The following FAM20A variants were observed in gnomAD, a reference collection of about 807,000 sequenced individuals.
FAM20A encodes pseudokinase FAM20A.
A neutral mutation model predicts 52.0 loss-of-function variants in FAM20A; 42 were observed. The ratio of observed to expected loss-of-function variants is 0.81; its 90% CI spans 0.63 to 1.04. The LOEUF is 1.04. FAM20A is among the 50% of genes least tolerant of loss of function. The pLI, the probability that FAM20A is intolerant of heterozygous loss-of-function variation, is 0.00. For missense variants in FAM20A, 742 were observed against 712.7 expected, an observed-to-expected ratio of 1.04 and a Z score of -0.47; for synonymous variants, 304 against 298.9, an observed-to-expected ratio of 1.02 and a Z score of -0.18.
At chr17:68,539,185 C>T in intron 10 of FAM20A, 152 bp downstream of exon 10, 1 of 720,036 alleles carries the variant, frequency 1.4e-6, no homozygotes, top group South Asian at 1.6e-5. Context: ...TCATGCAGTG[C>T]ACAAATGTGT....
chr17:68,575,789 T>TCACACACACACACAC (rs2087746114), intron 1 of FAM20A, among the ~76,000 whole-genome samples: 1 of 41,366 alleles, frequency 2.4e-5, no homozygotes, highest in African/African-American at 9.7e-5. Flanking sequence ...TATTTTATAT[T>TCACACACACACACAC]ATACACACAC....
At chr17:68,558,383 T>A (rs1338892669) in intron 1 of FAM20A, 1 of 436,838 alleles carries the variant, frequency 2.3e-6, no homozygotes, top group Admixed American at 2.4e-5. Flanking sequence ...TGAAATGTAG[T>A]CCCCAGTGTT....
At position 68,592,195 on chromosome 17, in the gene FAM20A, C is replaced by T. The variant is rs74000767; in HGVS notation, c.404+8068G>A. 5.4e-3 allele frequency among the ~76,000 whole-genome samples: 822 copies of T among 152,290 alleles called. 6 individuals carry two copies. The highest frequency in any genetic ancestry group is 0.018 in the African/African-American group (766 of 41,544). On this transcript the variant is annotated intron_variant, in intron 1 of 10. Coordinates refer to ENST00000592554, the MANE Select transcript of FAM20A (RefSeq NM_017565.4). ...GAGGTTGGTCAATCTAACTTTTCTC[C>T]TATCTGAGTGCTCAGGGCTGCATGG...
chr17:68,543,688 G>T lies in FAM20A; in HGVS notation c.753C>A (p.Phe251Leu). 1 of 1,614,180 alleles carries T rather than the reference G, an allele frequency of 6.2e-7. No individual in the cohort carries two copies. The highest frequency in any genetic ancestry group is 8.5e-7 in the Non-Finnish European group (1 of 1,180,022). The change falls in exon 5 of 11, where the codon TTC becomes TTA. Residue 251 changes from phenylalanine (F) to leucine (L), a missense_variant. Phe to Leu is a conservative substitution (Grantham distance 22, BLOSUM62 0). Coordinates refer to ENST00000592554, the MANE Select transcript of FAM20A (RefSeq NM_017565.4). ...GTCTCTGAAAGTCAATGAAGTAGAA[G>T]AAGTCCACTGGTGTCTCCTCATCTC... ...QQRDEETPVD[F>L]FYFIDFQRHN...
chr17:68,554,453 C>T (rs530520715), intron 3 of FAM20A, among the ~76,000 whole-genome samples: 3 of 152,256 alleles, frequency 2.0e-5, no homozygotes, highest in East Asian at 3.9e-4. Flanking sequence ...AATTTGAAAG[C>T]GTGCTCCAAT....
At chr17:68,590,010 C>T (rs2088260610) in intron 1 of FAM20A, 1 of 152,140 alleles carries the variant, frequency 6.6e-6, no homozygotes. Flanking sequence ...GAATACTCCT[C>T]AATTAAACAA....
intron 4 of FAM20A, chr17:68,551,148 G>T (rs1346593590): frequency 2.4e-6 from 3 of 1,232,434 alleles, no homozygotes; most frequent in Non-Finnish European, 3.0e-6. Flanking sequence ...AACTCTAGGA[G>T]ACCCTAACCT....
chr17:68,539,452 G>T, intron 9 of FAM20A, 56 bp from the exon 10 acceptor site: 1 of 1,493,258 alleles, frequency 6.7e-7, no homozygotes, highest in Non-Finnish European at 9.3e-7. Context: ...GCATTCCCCT[G>T]AGGCTTCCTC....
intron 1 of FAM20A, among the ~76,000 whole-genome samples, chr17:68,591,251 G>A (rs2088299257): frequency 6.6e-6 from 1 of 152,088 alleles, no homozygotes. Flanking sequence ...GGCGCCCGCC[G>A]CCACGCCCGG....
intron 1 of FAM20A, among the ~76,000 whole-genome samples, chr17:68,578,848 A>AG: frequency 4.9e-5 from 1 of 20,254 alleles, no homozygotes. Context: ...CAAAAAAAAA[A>AG]AAAAAAAAAA....
At chr17:68,541,426 T>C (rs1349861351) in intron 7 of FAM20A, 1 of 214,178 alleles carries the variant, frequency 4.7e-6, no homozygotes, top group Non-Finnish European at 9.6e-6. Context: ...CAGAGTCCCT[T>C]AGGATCTGTC....
intron 4 of FAM20A, among the ~76,000 whole-genome samples, chr17:68,544,349 C>T (rs2086451695): frequency 6.6e-6 from 1 of 152,128 alleles, no homozygotes; most frequent in Non-Finnish European, 1.5e-5. Context: ...CTGAAAAGCG[C>T]CAGGCTGCCT....
intron 1 of FAM20A, among the ~76,000 whole-genome samples, chr17:68,572,870 C>A (rs986407058): frequency 6.6e-6 from 1 of 152,160 alleles, no homozygotes; most frequent in Non-Finnish European, 1.5e-5. Flanking sequence ...CCATTTATCT[C>A]TGTGTCCTAG....
chr17:68,536,251 C>T lies in FAM20A; in HGVS notation c.*1226G>A, dbSNP rs1405795082. 2 of 454,098 alleles carry T rather than the reference C, an allele frequency of 4.4e-6. No homozygotes were observed. The highest frequency in any genetic ancestry group is 8.8e-6 in the Non-Finnish European group (2 of 226,800). 28.1% of individuals were successfully genotyped at this position (454,098 alleles called of 1,614,324 possible). The stretch of plus-strand genomic sequence containing the variant: ...CAGCTCCATTCTATTCTCATGCTTA[C>T]AGTATTTGAACTCTGGCCTTTACTG... On this transcript the variant is annotated 3_prime_UTR_variant, in exon 11 of 11. Transcript: ENST00000592554.
At chr17:68,562,118 C>A (rs2087232522) in intron 1 of FAM20A, among the ~76,000 whole-genome samples, 1 of 152,222 alleles carries the variant, frequency 6.6e-6, no homozygotes, top group African/African-American at 2.4e-5. Context: ...GCCACCACGC[C>A]CGGCCCCCAG....
chr17:68,571,528 C>A lies in FAM20A; in HGVS notation c.405-15785G>T, dbSNP rs1026784414. Among the ~76,000 whole-genome samples the A allele has an allele frequency of 7.2e-5, 11 of 152,296 alleles. 1 individual carries two copies. In the East Asian group the frequency reaches 2.1e-3, roughly 29 times the overall value. On this transcript the variant is annotated intron_variant, in intron 1 of 10. Coordinates refer to ENST00000592554, the MANE Select transcript of FAM20A (RefSeq NM_017565.4). The stretch of plus-strand genomic sequence containing the variant: ...CTCATTTAATACATTTCCAAGAGCA[C>A]TCTGTCACACAGACAATTAGAAAAG...
chr17:68,560,008 C>T (rs1160269430), intron 1 of FAM20A, among the ~76,000 whole-genome samples: 2 of 152,120 alleles, frequency 1.3e-5, no homozygotes, highest in African/African-American at 4.8e-5. Context: ...AACCTAATCC[C>T]CAGTATGATA....
intron 10 of FAM20A, 124 bp downstream of exon 10, chr17:68,539,213 A>G (rs915189341): frequency 2.4e-6 from 2 of 849,332 alleles, no homozygotes; most frequent in Non-Finnish European, 4.0e-6. Flanking sequence ...AAGGTGATTC[A>G]TGTCATTCTA....
intron 1 of FAM20A, among the ~76,000 whole-genome samples, chr17:68,581,348 G>GTTTTTC (rs2087940878): frequency 1.3e-5 from 1 of 75,080 alleles, no homozygotes; most frequent in Non-Finnish European, 2.8e-5. Flanking sequence ...CCGAAATGCA[G>GTTTTTC]TTTTTCTTTC....
Sources: gnomAD v4.1 joint callset for allele counts (sites outside exome capture counted in the v4.1 genomes callset) on GRCh38, gnomAD v4.1.1 for gene constraint, MANE v1.5 for transcripts, NCBI Gene and HGNC (gene_info 2026-07-23, HGNC 2026-07-21) for gene names.